The following CNTNAP2 variants were observed in gnomAD, a reference collection of about 807,000 sequenced individuals.
CNTNAP2 encodes the protein contactin associated protein 2, also known as contactin-associated protein-like 2.
In CNTNAP2, 98 loss-of-function variants were observed where a neutral mutation model predicts 155.2. The observed-to-expected ratio is 0.63, with a 90% CI of 0.54 to 0.75. CNTNAP2 has a LOEUF of 0.75. CNTNAP2 is among the 30% of genes least tolerant of loss of function. The pLI is 0.00. For missense variants in CNTNAP2, 1,727 were observed against 1,688.1 expected (o/e 1.02, Z -0.40); for synonymous variants, 651 against 631.2 (o/e 1.03, Z -0.47).
intron 13 of CNTNAP2, among the ~76,000 whole-genome samples, chr7:147,887,029 T>TTAC (rs1799611245): frequency 6.6e-6 from 1 of 152,200 alleles, no homozygotes; most frequent in African/African-American, 2.4e-5. Context: ...GTTCCTCTAT[T>TTAC]TACTGTTGCC....
At chr7:147,536,618 T>C (rs1301246025) in intron 11 of CNTNAP2, among the ~76,000 whole-genome samples, 1 of 152,096 alleles carries the variant, frequency 6.6e-6, no homozygotes, top group Non-Finnish European at 1.5e-5. Context: ...GTGTCCGAAA[T>C]CTTTGGACAT....
intron 2 of CNTNAP2, among the ~76,000 whole-genome samples, chr7:146,808,272 C>G (rs1304681558): frequency 6.6e-6 from 1 of 152,122 alleles, no homozygotes; most frequent in African/African-American, 2.4e-5. Context: ...AATAATTCTT[C>G]AATAGATATT....
chr7:147,180,512 A>C (rs905365964), intron 8 of CNTNAP2, among the ~76,000 whole-genome samples: 5 of 152,146 alleles, frequency 3.3e-5, no homozygotes, highest in African/African-American at 1.2e-4. Flanking sequence ...AACAAGCTTA[A>C]AATAGAAGAA....
chr7:147,253,934 C>T (rs1045029388), intron 8 of CNTNAP2, among the ~76,000 whole-genome samples: 1 of 152,156 alleles, frequency 6.6e-6, no homozygotes, highest in African/African-American at 2.4e-5. Flanking sequence ...GACAAGGGCC[C>T]TCTTTTGTAA....
At position 148,365,766 on chromosome 7, in the gene CNTNAP2, G is replaced by GTGTATATATGTATGTGTATGCA. The variant is rs1563059216; in HGVS notation, c.3476-17877_3476-17876insTATGTATGTGTATGCATGTATA. 5.0e-4 allele frequency among the ~76,000 whole-genome samples: 29 copies of GTGTATATATGTATGTGTATGCA among 57,966 alleles called. 9 individuals are homozygous for GTGTATATATGTATGTGTATGCA. The highest frequency in any genetic ancestry group is 2.5e-3 in the African/African-American group (28 of 11,428). 38.0% of individuals were successfully genotyped at this position (57,966 alleles called of 152,430 possible). On this transcript the variant is annotated intron_variant, in intron 21 of 23. Coordinates refer to ENST00000361727, the MANE Select transcript of CNTNAP2 (RefSeq NM_014141.6). ...TACATGTATACATGTATGTGTATACGTGTATACATGTATGTGTATGCATGT... is the reference window on the plus strand; with the variant it reads ...TACATGTATACATGTATGTGTATACGTGTATATATGTATGTGTATGCATGTATACATGTATGTGTATGCATGT...
Position 147,613,493 on chromosome 7 carries a change from A to G in CNTNAP2, c.1898-25613A>G, listed in dbSNP as rs936991054. Among the ~76,000 whole-genome samples, 23 of 152,294 alleles carry G rather than the reference A, an allele frequency of 1.5e-4. No individual in the cohort carries two copies. In the Middle Eastern group the frequency reaches 0.01, roughly 68 times the overall value. On this transcript the variant is annotated intron_variant, in intron 12 of 23. Transcript: ENST00000361727. Reference sequence around the variant, plus strand: ...AAGAGAGCTGAATTTTAACAAAACCATATGTACCCATTTCTCCCATTAGAG... The same window carrying G: ...AAGAGAGCTGAATTTTAACAAAACCGTATGTACCCATTTCTCCCATTAGAG...
At chr7:146,498,532 T>C (rs903775356) in intron 1 of CNTNAP2, among the ~76,000 whole-genome samples, 4 of 152,198 alleles carry the variant, frequency 2.6e-5, no homozygotes, top group South Asian at 2.1e-4. Context: ...ACTCAGAGAA[T>C]TGGATCAAAT....
intron 12 of CNTNAP2, among the ~76,000 whole-genome samples, chr7:147,575,093 G>A (rs191375899): frequency 7.2e-4 from 104 of 144,962 alleles, no homozygotes; most frequent in Admixed American, 5.2e-3. Flanking sequence ...ATATTCTCCC[G>A]GTCTTTGTGG....
intron 9 of CNTNAP2, among the ~76,000 whole-genome samples, chr7:147,386,816 G>A (rs1584917039): frequency 6.6e-6 from 1 of 152,072 alleles, no homozygotes; most frequent in African/African-American, 2.4e-5. Flanking sequence ...TCACTCTACT[G>A]GTACCAGTTT....
intron 13 of CNTNAP2, among the ~76,000 whole-genome samples, chr7:147,640,249 C>A (rs1342576795): frequency 1.3e-5 from 2 of 151,980 alleles, no homozygotes. Context: ...GAAGCAAATA[C>A]TTAAAATCCA....
chr7:147,473,802 G>T (rs927073964), intron 10 of CNTNAP2, among the ~76,000 whole-genome samples: 1 of 152,100 alleles, frequency 6.6e-6, no homozygotes, highest in Non-Finnish European at 1.5e-5. Flanking sequence ...ACTTAAATTC[G>T]GGTGCGGTGG....
intron 13 of CNTNAP2, among the ~76,000 whole-genome samples, chr7:147,725,687 A>G (rs1419949651): frequency 3.3e-5 from 5 of 152,096 alleles, no homozygotes; most frequent in Admixed American, 3.3e-4. Flanking sequence ...CAAACAGGGC[A>G]TGTACTTTAA....
intron 13 of CNTNAP2, among the ~76,000 whole-genome samples, chr7:147,850,536 A>G (rs1798916223): frequency 6.6e-6 from 1 of 152,248 alleles, no homozygotes; most frequent in African/African-American, 2.4e-5. Context: ...ACAAGGCTAC[A>G]GTAACCAAAA....
At chr7:147,243,731 T>C (rs1477053293) in intron 8 of CNTNAP2, among the ~76,000 whole-genome samples, 2 of 152,200 alleles carry the variant, frequency 1.3e-5, no homozygotes, top group Non-Finnish European at 2.9e-5. Flanking sequence ...TGTCACCAAT[T>C]TTGATACATT....
At chr7:148,399,409 C>A (rs1208385855) in intron 22 of CNTNAP2, among the ~76,000 whole-genome samples, 1 of 152,180 alleles carries the variant, frequency 6.6e-6, no homozygotes, top group Non-Finnish European at 1.5e-5. Context: ...TAGCAAGACC[C>A]TGTCTCTAAA....
chr7:146,525,009 G>A (rs540217833), intron 1 of CNTNAP2, among the ~76,000 whole-genome samples: 2 of 151,972 alleles, frequency 1.3e-5, no homozygotes, highest in East Asian at 1.9e-4. Context: ...CATGGGAAAA[G>A]CAAAGTAACT....
intron 13 of CNTNAP2, among the ~76,000 whole-genome samples, chr7:147,833,554 T>C (rs1367958315): frequency 6.6e-6 from 1 of 152,142 alleles, no homozygotes; most frequent in Admixed American, 6.6e-5. Flanking sequence ...GCTTCTCTAA[T>C]GGCTACCGAG....
In CNTNAP2 at chr7:147,487,732, G is replaced by A. The variant is rs59287941; in HGVS notation, c.1777+1691G>A. Among the ~76,000 whole-genome samples, 671 of 152,164 alleles carry A rather than the reference G, an allele frequency of 4.4e-3. 5 individuals carry two copies. Among genetic ancestry groups the A allele is most frequent in the African/African-American group, 0.015 (631 of 41,510 alleles). On this transcript the variant is annotated intron_variant, in intron 11 of 23. Coordinates refer to ENST00000361727, the MANE Select transcript of CNTNAP2 (RefSeq NM_014141.6). ...AAAAAAAATTAAAATGTATGCTACT[G>A]GTTGAGTAGCTGAGGTTTGTTTTGT...
chr7:146,818,177 G>C (rs1803210902), intron 2 of CNTNAP2, among the ~76,000 whole-genome samples: 1 of 151,930 alleles, frequency 6.6e-6, no homozygotes, highest in Non-Finnish European at 1.5e-5. Context: ...AGTTTTAATA[G>C]GTTTATGAAT....
Sources: allele counts gnomAD v4.1 joint callset (sites outside exome capture counted in the v4.1 genomes callset), GRCh38; gene constraint gnomAD v4.1.1; transcripts MANE v1.5; gene names NCBI Gene and HGNC (gene_info 2026-07-23, HGNC 2026-07-21).